Variants in PCDHA4 observed in about 807,000 individuals in gnomAD.
The protein encoded by PCDHA4 is protocadherin alpha 4, also known as protocadherin alpha-4.
In PCDHA4, 49 loss-of-function variants were observed where a neutral mutation model predicts 61.4. That is an observed-to-expected ratio of 0.80 (90% CI 0.63 to 1.01). The LOEUF (loss-of-function observed/expected upper bound fraction) is 1.01, where lower values mean the gene tolerates loss of function less well. Ranked by LOEUF, PCDHA4 falls within the 50% of genes least tolerant of loss-of-function variation. The pLI is 0.00. For missense variants in PCDHA4, 1,254 were observed against 1,235.8 expected (o/e 1.01, Z -0.22); for synonymous variants, 590 against 550.3 (o/e 1.07, Z -1.01).
chr5:141,005,819 G>A, intron 3 of PCDHA4, among the ~76,000 whole-genome samples: 1 of 151,636 alleles, frequency 6.6e-6, no homozygotes, highest in South Asian at 2.1e-4. Context: ...CAGGTATGGT[G>A]GCCTGTAGTC....
intron 3 of PCDHA4, among the ~76,000 whole-genome samples, chr5:140,986,151 G>T (rs547474191): frequency 6.6e-6 from 1 of 152,316 alleles, no homozygotes; most frequent in East Asian, 1.9e-4. Flanking sequence ...GCATCACCAA[G>T]TAATGTTTTC....
In PCDHA4 at chr5:140,978,014, A is replaced by C. The variant is rs939579655; in HGVS notation, c.2386-935A>C. ...AGTGTCACAAGTTTTTCACAGTGAC[A>C]TTTTTGCTTACTGATACAAGACAGT... On this transcript the variant is annotated intron_variant, in intron 1 of 3. Transcript: ENST00000530339. Among the ~76,000 whole-genome samples, 9 of 152,256 alleles carry C rather than the reference A, an allele frequency of 5.9e-5. 1 individual carries two copies. The highest frequency in any genetic ancestry group is 2.2e-4 in the African/African-American group (9 of 41,540).
intron 1 of PCDHA4, among the ~76,000 whole-genome samples, chr5:140,953,492 G>T (rs542677103): frequency 6.6e-6 from 1 of 152,188 alleles, no homozygotes; most frequent in East Asian, 1.9e-4. Context: ...TCACAACCTT[G>T]ATCAGCTATT....
rs782212784 is a variant in PCDHA4 at position 140,883,583 on chromosome 5, G to A, written c.2385+74011G>A. ...GGGCTCGCCTTCGCTGTGGGCCACGGCCAGCGTGTCGGTGGGGGTGGCCGA... is the reference window on the plus strand; with the variant it reads ...GGGCTCGCCTTCGCTGTGGGCCACGACCAGCGTGTCGGTGGGGGTGGCCGA... On this transcript the variant is annotated intron_variant, in intron 1 of 3. Coordinates refer to ENST00000530339, the MANE Select transcript of PCDHA4 (RefSeq NM_018907.4). The A allele has an allele frequency of 1.9e-5, 31 of 1,613,916 alleles. No individual in the cohort carries two copies. The African/African-American group carries it at 3.7e-4, about 19-fold the overall frequency.
At chr5:140,831,064 T>C (rs957849785) in intron 1 of PCDHA4, 1 of 152,230 alleles carries the variant, frequency 6.6e-6, no homozygotes, top group Non-Finnish European at 1.5e-5. Context: ...TGTCCCCCTT[T>C]TAAACCATTG....
chr5:140,956,060 G>A (rs1021406649), intron 1 of PCDHA4, among the ~76,000 whole-genome samples: 12 of 152,074 alleles, frequency 7.9e-5, no homozygotes, highest in African/African-American at 2.9e-4. Context: ...GAGACAATGG[G>A]GTTTTCCAGA....
At chr5:141,008,502 G>A (rs539439181) in intron 3 of PCDHA4, among the ~76,000 whole-genome samples, 2 of 152,110 alleles carry the variant, frequency 1.3e-5, no homozygotes, top group South Asian at 4.2e-4. Context: ...TATACTTTAT[G>A]GTGTGTCTTC....
rs2150123855 is a variant in PCDHA4 at position 140,823,236 on chromosome 5, C to G, written c.2385+13664C>G. 4,287 of 1,613,532 alleles carry G rather than the reference C, an allele frequency of 2.7e-3. 77 individuals are homozygous for G. The African/African-American group carries it at 0.049, about 19-fold the overall frequency. On this transcript the variant is annotated intron_variant, in intron 1 of 3. Coordinates refer to ENST00000530339, the MANE Select transcript of PCDHA4 (RefSeq NM_018907.4). ...GGGACGCGGACGCGCAGGAGAACGC[C>G]CTGGTGTCCTACTCGCTGGTGGAGC...
At chr5:140,920,323 T>C (rs1448405138) in intron 1 of PCDHA4, among the ~76,000 whole-genome samples, 3 of 152,212 alleles carry the variant, frequency 2.0e-5, no homozygotes, top group Non-Finnish European at 4.4e-5. Context: ...AAATTATATA[T>C]TTATGGCATT....
In PCDHA4 at chr5:140,828,733, C is replaced by T. The variant is rs2150158342; in HGVS notation, c.2385+19161C>T. The T allele has an allele frequency of 1.4e-5, 23 of 1,614,096 alleles. No individual in the cohort carries two copies. In the Middle Eastern group the frequency reaches 8.2e-4, roughly 58 times the overall value. On this transcript the variant is annotated intron_variant, in intron 1 of 3. Transcript: ENST00000530339. ...CTGCACACAACTTATTCCTGACAGC[C>T]ACAGATGGGGGCAAACCTGAGCTCA...
intron 1 of PCDHA4, chr5:140,836,144 G>A (rs2150253955): frequency 1.5e-5 from 25 of 1,613,780 alleles, no homozygotes; most frequent in Non-Finnish European, 2.1e-5. Context: ...CTGTGGGCGC[G>A]GGCCATGTGG....
At chr5:140,852,896 T>G (rs1554146161) in intron 1 of PCDHA4, 1 of 852,356 alleles carries the variant, frequency 1.2e-6, no homozygotes, top group African/African-American at 1.8e-5. Flanking sequence ...TTTTTTTTTT[T>G]GAGTCAGAGT....
intron 1 of PCDHA4, among the ~76,000 whole-genome samples, chr5:140,965,377 A>G (rs1479954226): frequency 6.6e-6 from 1 of 152,190 alleles, no homozygotes; most frequent in Non-Finnish European, 1.5e-5. Flanking sequence ...AAACTTGGGG[A>G]CACAGAAGAA....
At chr5:141,004,434 G>T (rs1383958111) in intron 3 of PCDHA4, among the ~76,000 whole-genome samples, 2 of 152,186 alleles carry the variant, frequency 1.3e-5, no homozygotes, top group Non-Finnish European at 2.9e-5. Flanking sequence ...TGGAGTTTAG[G>T]CTGAGTCATA....
At chr5:140,971,110 G>A (rs2096457221) in intron 1 of PCDHA4, among the ~76,000 whole-genome samples, 1 of 152,172 alleles carries the variant, frequency 6.6e-6, no homozygotes, top group Admixed American at 6.5e-5. Flanking sequence ...CTTTGGGATT[G>A]GGGTGGGCTA....
At chr5:140,850,843 CA>C in intron 1 of PCDHA4, 1 of 1,597,346 alleles carries the variant, frequency 6.3e-7, no homozygotes, top group Non-Finnish European at 8.6e-7. Flanking sequence ...GCTGGATCTA[CA>C]GAGCGAACGG....
chr5:140,868,423 T>A (rs1554161972), intron 1 of PCDHA4: 1 of 151,106 alleles, frequency 6.6e-6, no homozygotes, highest in African/African-American at 2.4e-5. Flanking sequence ...CCCACAGAGA[T>A]GAGAATAGAT....
intron 1 of PCDHA4, chr5:140,969,414 G>C: frequency 6.4e-7 from 1 of 1,566,012 alleles, no homozygotes; most frequent in Non-Finnish European, 8.7e-7. Context: ...GCTTTATTGA[G>C]TCATTAACAG....
intron 1 of PCDHA4, chr5:140,877,631 C>T: frequency 6.2e-7 from 1 of 1,613,768 alleles, no homozygotes; most frequent in Non-Finnish European, 8.5e-7. Context: ...CTGTACACTG[C>T]GCTGCGTTGC....
Sources: allele counts gnomAD v4.1 joint callset (sites outside exome capture counted in the v4.1 genomes callset), GRCh38; gene constraint gnomAD v4.1.1; transcripts MANE v1.5; gene names NCBI Gene and HGNC (gene_info 2026-07-23, HGNC 2026-07-21).